The following DMD variants were observed in gnomAD, a reference collection of about 807,000 sequenced individuals.
The protein encoded by DMD is mutant dystrophin.
A neutral mutation model predicts 330.1 loss-of-function variants in DMD; 63 were observed. The ratio of observed to expected loss-of-function variants is 0.19; its 90% CI spans 0.16 to 0.24. The LOEUF (loss-of-function observed/expected upper bound fraction) is 0.24, where lower values mean the gene tolerates loss of function less well. Ranked by LOEUF, DMD falls within the 10% of genes least tolerant of loss-of-function variation. DMD has a pLI of 1.00. For missense variants in DMD, 3,344 were observed against 2,684.1 expected (o/e 1.25, Z -5.43); for synonymous variants, 1,223 against 959.8 (o/e 1.27, Z -5.07).
At chrX:32,535,535 C>T (rs2047870761) in intron 17 of DMD, among the ~76,000 whole-genome samples, 1 of 111,671 alleles carries the variant, frequency 9.0e-6, no homozygotes, top group South Asian at 3.8e-4. Context: ...GCAGTCCTAA[C>T]TTTAGTTTAA....
chrX:32,320,233 T>C (rs1341963429), intron 41 of DMD, among the ~76,000 whole-genome samples: 1 of 111,006 alleles, frequency 9.0e-6, no homozygotes, highest in African/African-American at 3.3e-5. Context: ...GTGGACACTA[T>C]CTCTAGATTA....
At chrX:32,317,858 T>A in intron 41 of DMD, among the ~76,000 whole-genome samples, 1 of 109,076 alleles carries the variant, frequency 9.2e-6, no homozygotes, top group Non-Finnish European at 1.9e-5. Context: ...TTTAACTGCG[T>A]TGGTGTTAAT....
intron 2 of DMD, among the ~76,000 whole-genome samples, chrX:32,903,123 C>T (rs188544655): frequency 1.3e-5 from 1 of 75,698 alleles, no homozygotes; most frequent in Admixed American, 2.3e-4. Flanking sequence ...CCAGCCTGGG[C>T]GACAGAGTGA....
In DMD at chrX:31,779,815, T is replaced by C. The variant is rs151147657; in HGVS notation, c.7310-5623A>G. ...CATAATACCTTTCTCATGCATTCAT[T>C]AGAAAATTAAAATGACTCTACTAAA... On this transcript the variant is annotated intron_variant, in intron 50 of 78. Transcript: ENST00000357033. Among the ~76,000 whole-genome samples, 657 of 110,809 alleles carry C rather than the reference T, an allele frequency of 5.9e-3. 5 individuals are homozygous for C. The highest frequency in any genetic ancestry group is 0.02 in the African/African-American group (621 of 30,451).
chrX:32,952,960 C>G (rs952031329), intron 2 of DMD, among the ~76,000 whole-genome samples: 4 of 109,221 alleles, frequency 3.7e-5, no homozygotes, highest in Non-Finnish European at 7.6e-5. Flanking sequence ...CATGGTGAAG[C>G]CCCGTCTCTA....
chrX:31,243,707 T>A (rs1286887674), intron 63 of DMD, among the ~76,000 whole-genome samples: 1 of 112,700 alleles, frequency 8.9e-6, no homozygotes, highest in South Asian at 3.6e-4. Flanking sequence ...ATTGGCACTT[T>A]GAAGTATTAT....
At chrX:32,782,860 T>C (rs1348169125) in intron 7 of DMD, among the ~76,000 whole-genome samples, 2 of 107,385 alleles carry the variant, frequency 1.9e-5, no homozygotes, top group African/African-American at 3.4e-5. Flanking sequence ...TCACGTACCA[T>C]ATATATATAC....
chrX:31,733,871 G>T (rs1164519232), intron 51 of DMD, among the ~76,000 whole-genome samples: 1 of 110,626 alleles, frequency 9.0e-6, no homozygotes, highest in Non-Finnish European at 1.9e-5. Flanking sequence ...TACTGGCTTG[G>T]ATATTGATAT....
chrX:32,291,624 C>T (rs1194595061), intron 42 of DMD, among the ~76,000 whole-genome samples: 1 of 111,676 alleles, frequency 9.0e-6, no homozygotes, highest in Non-Finnish European at 1.9e-5. Flanking sequence ...CTGGCCTGGG[C>T]ATCCACATGA....
At chrX:31,889,636 CT>C (rs2094207281) in intron 47 of DMD, among the ~76,000 whole-genome samples, 1 of 73,050 alleles carries the variant, frequency 1.4e-5, no homozygotes, top group Non-Finnish European at 2.5e-5. Context: ...CTCTCTCTCT[CT>C]CTCTCTCTCT....
intron 44 of DMD, among the ~76,000 whole-genome samples, chrX:32,011,422 A>G (rs1291294937): frequency 1.8e-5 from 2 of 111,357 alleles, no homozygotes; most frequent in Non-Finnish European, 3.8e-5. Flanking sequence ...CCTTAAGATC[A>G]TGTCCCCCTG....
At chrX:32,837,892 T>G (rs1297174727) in intron 4 of DMD, among the ~76,000 whole-genome samples, 1 of 111,969 alleles carries the variant, frequency 8.9e-6, no homozygotes, top group Non-Finnish European at 1.9e-5. Context: ...TGAATTTAGT[T>G]AATGTAACTG....
At chrX:31,718,873 A>C (rs1006319344) in intron 52 of DMD, among the ~76,000 whole-genome samples, 3 of 111,503 alleles carry the variant, frequency 2.7e-5, no homozygotes, top group Non-Finnish European at 3.8e-5. Context: ...CTAACACCAA[A>C]CTAGTATGGA....
At chrX:31,124,850 T>C (rs2033403384) in intron 78 of DMD, among the ~76,000 whole-genome samples, 1 of 111,935 alleles carries the variant, frequency 8.9e-6, no homozygotes, top group Non-Finnish European at 1.9e-5. Flanking sequence ...AAAAATACAA[T>C]TCCCAAATAA....
intron 60 of DMD, among the ~76,000 whole-genome samples, chrX:31,402,158 G>A (rs1208842893): frequency 2.7e-5 from 3 of 111,827 alleles, no homozygotes; most frequent in Non-Finnish European, 5.6e-5. Flanking sequence ...AGAGTGAACT[G>A]GGACTGGGGC....
chrX:32,508,899 C>G (rs1205832501), intron 18 of DMD, among the ~76,000 whole-genome samples: 1 of 110,565 alleles, frequency 9.0e-6, no homozygotes, highest in African/African-American at 3.3e-5. Flanking sequence ...CAAGCTCCGC[C>G]TCCCGGGTTC....
chrX:33,112,646 G>A (rs1241940419), intron 1 of DMD, among the ~76,000 whole-genome samples: 3 of 111,252 alleles, frequency 2.7e-5, no homozygotes, highest in South Asian at 3.7e-4. Flanking sequence ...TCCTTACAGT[G>A]TATCTTGATC....
At chrX:31,987,662 T>C (rs777512896) in intron 44 of DMD, among the ~76,000 whole-genome samples, 1 of 112,233 alleles carries the variant, frequency 8.9e-6, no homozygotes, top group African/African-American at 3.2e-5. Context: ...CCAGTTAGAA[T>C]GGCTATTATC....
chrX:32,177,541 C>T (rs1603627688), intron 44 of DMD, among the ~76,000 whole-genome samples: 1 of 111,829 alleles, frequency 8.9e-6, no homozygotes, highest in Admixed American at 9.6e-5. Flanking sequence ...GTCTATATCA[C>T]TTCTTCACAG....
Sources: allele counts gnomAD v4.1 joint callset (sites outside exome capture counted in the v4.1 genomes callset), GRCh38; gene constraint gnomAD v4.1.1; transcripts MANE v1.5; gene names NCBI Gene and HGNC (gene_info 2026-07-23, HGNC 2026-07-21).